Variants in HIVEP2 observed in about 807,000 individuals in gnomAD.
The protein encoded by HIVEP2 is transcription factor HIVEP2.
A neutral mutation model predicts 180.7 loss-of-function variants in HIVEP2; 14 were observed. The ratio of observed to expected loss-of-function variants is 0.08; its 90% CI spans 0.05 to 0.12. HIVEP2 has a LOEUF of 0.12. Among genes scored for constraint, HIVEP2 ranks in the 10% least tolerant of loss-of-function variants. HIVEP2 has a pLI of 1.00. For synonymous variants in HIVEP2, 1,184 were observed against 1,136.4 expected, an observed-to-expected ratio of 1.04 and a Z score of -0.84; for missense variants, 2,579 against 3,008.5, an observed-to-expected ratio of 0.86 and a Z score of 3.34.
Position 142,770,716 on chromosome 6 carries a change from G to A in HIVEP2, c.4023C>T (p.His1341=), listed in dbSNP as rs377147535. 1.1e-5 allele frequency: 17 copies of A among 1,614,034 alleles called. No homozygotes were observed. The highest frequency in any genetic ancestry group is 3.3e-5 in the South Asian group (3 of 91,088). The change falls in exon 5 of 10, where the codon CAC becomes CAT. Residue 1341 remains histidine, a synonymous_variant. Coordinates refer to ENST00000367603, the MANE Select transcript of HIVEP2 (RefSeq NM_006734.4). This position sits in a 1 kb window ranked among gnomAD's most constrained non-coding sequence, Gnocchi z 4.7. ...GTVVPVRIQT[H]VPSYGSVMYT... ...ACATGACACTTCCATAGGATGGTACGTGCGTCTGGATCCGAACAGGAACCA... is the reference window on the plus strand; with the variant it reads ...ACATGACACTTCCATAGGATGGTACATGCGTCTGGATCCGAACAGGAACCA...
chr6:142,935,070 G>T (rs986272511), intron 1 of HIVEP2, among the ~76,000 whole-genome samples: 1 of 152,198 alleles, frequency 6.6e-6, no homozygotes, highest in African/African-American at 2.4e-5. Flanking sequence ...CTATCCAACT[G>T]TAGGGAGAAA....
chr6:142,942,569 T>A (rs1249647666), intron 1 of HIVEP2, among the ~76,000 whole-genome samples: 1 of 152,218 alleles, frequency 6.6e-6, no homozygotes, highest in Non-Finnish European at 1.5e-5. Context: ...AGAGAATTAT[T>A]TTCCTATGTG....
intron 1 of HIVEP2, among the ~76,000 whole-genome samples, chr6:142,888,067 G>T (rs1177526889): frequency 6.6e-6 from 1 of 151,860 alleles, no homozygotes; most frequent in Non-Finnish European, 1.5e-5. Context: ...CATTTTACAT[G>T]TTTTAACTAT....
At chr6:142,863,031 T>C (rs142555263) in intron 1 of HIVEP2, among the ~76,000 whole-genome samples, 62 of 142,252 alleles carry the variant, frequency 4.4e-4, no homozygotes, top group African/African-American at 1.5e-3. Context: ...CAATATGTAA[T>C]ATATATTACA....
intron 2 of HIVEP2, among the ~76,000 whole-genome samples, chr6:142,811,681 AAC>A (rs1218601019): frequency 6.6e-6 from 1 of 152,200 alleles, no homozygotes; most frequent in Non-Finnish European, 1.5e-5. Context: ...AATACTTCCT[AAC>A]ACATTCTCTC....
At chr6:142,911,139 T>TAAAAAA (rs5880554) in intron 1 of HIVEP2, among the ~76,000 whole-genome samples, 2 of 106,228 alleles carry the variant, frequency 1.9e-5, no homozygotes, top group Non-Finnish European at 3.7e-5. Flanking sequence ...ACAAACACAT[T>TAAAAAA]AAAAAAAAAA....
chr6:142,872,313 G>T (rs1776309068), intron 1 of HIVEP2, among the ~76,000 whole-genome samples: 1 of 152,192 alleles, frequency 6.6e-6, no homozygotes, highest in Non-Finnish European at 1.5e-5. Context: ...GATGTCCGAT[G>T]TCTGGAACAA....
chr6:142,770,085 G>T lies in HIVEP2; in HGVS notation c.4654C>A (p.Pro1552Thr). 1 of 1,614,226 alleles carries T rather than the reference G, an allele frequency of 6.2e-7. No homozygotes were observed. Among genetic ancestry groups the T allele is most frequent in the Non-Finnish European group, 8.5e-7 (1 of 1,180,040 alleles). Residue 1552 changes from proline to threonine, a missense_variant, in exon 5 of 10, where the codon CCG becomes ACG. Physicochemically the swap from Pro to Thr is conservative, Grantham distance 38. Around this residue, in one of 11 missense-constraint regions of HIVEP2, gnomAD observed 349 missense variants for 367.2 expected, o/e 0.95. Coordinates refer to ENST00000367603, the MANE Select transcript of HIVEP2 (RefSeq NM_006734.4). The surrounding 1 kb of genome is among the most constrained non-coding windows in gnomAD (Gnocchi z 4.7). ...EMLSGSRAPLPGQKSSGPSES... is the reference protein window; with the variant it reads ...EMLSGSRAPLTGQKSSGPSES... ...GAAGGCCCACTGGACTTCTGCCCCGGAAGTGGTGCCCGGGAACCGGAAAGC... is the reference window on the plus strand; with the variant it reads ...GAAGGCCCACTGGACTTCTGCCCCGTAAGTGGTGCCCGGGAACCGGAAAGC...
intron 5 of HIVEP2, 94 bp downstream of exon 5, chr6:142,769,458 G>A (rs752345617): frequency 3.5e-5 from 40 of 1,137,612 alleles, no homozygotes; most frequent in Non-Finnish European, 4.9e-5. Flanking sequence ...CATTTTACTT[G>A]TATTTTTTTT....
At chr6:142,927,573 C>T (rs972891134) in intron 1 of HIVEP2, among the ~76,000 whole-genome samples, 4 of 152,182 alleles carry the variant, frequency 2.6e-5, no homozygotes, top group Non-Finnish European at 5.9e-5. Flanking sequence ...ACCCACTGCA[C>T]TCCTTTTATT....
intron 1 of HIVEP2, among the ~76,000 whole-genome samples, chr6:142,879,671 G>C (rs1056544873): frequency 6.6e-6 from 1 of 151,902 alleles, no homozygotes; most frequent in African/African-American, 2.4e-5. Context: ...AACCATCCCA[G>C]GCCATCTGAC....
chr6:142,834,950 T>C (rs892792970), intron 2 of HIVEP2, among the ~76,000 whole-genome samples: 4 of 141,834 alleles, frequency 2.8e-5, no homozygotes, highest in South Asian at 2.4e-4. Flanking sequence ...ACCGATTCCA[T>C]ATGAAGTCCT....
intron 1 of HIVEP2, among the ~76,000 whole-genome samples, chr6:142,876,193 G>A (rs547907628): frequency 6.6e-6 from 1 of 152,156 alleles, no homozygotes; most frequent in African/African-American, 2.4e-5. Flanking sequence ...ACTGGCTTTG[G>A]TAAGATATAT....
In HIVEP2 at chr6:142,760,063, A is replaced by C. The variant is rs780650154; in HGVS notation, c.6225T>G (p.His2075Gln). The change falls in exon 9 of 10, where the codon CAT becomes CAG. Residue 2075 changes from histidine to glutamine, a missense_variant. Physicochemically the swap from His to Gln is conservative, Grantham distance 24. Transcript: ENST00000367603. ...GTGACAGATCTCTCCTAGGTGATAA[A>C]TGTCTCCTGGGAGATAAATCTCCTT... is the stretch of plus-strand genomic sequence containing the variant. ...IPKGDLSPRR[H>Q]LSPRRDLSPM... The C allele has an allele frequency of 6.2e-7, 1 of 1,613,960 alleles. No individual in the cohort carries two copies. The highest frequency in any genetic ancestry group is 1.7e-5 in the Admixed American group (1 of 60,018).
At position 142,799,362 on chromosome 6, in the gene HIVEP2, A is replaced by T. The variant is rs1582870440; in HGVS notation, c.-527-15747T>A. On this transcript the variant is annotated intron_variant, in intron 2 of 9. Transcript: ENST00000367603. ...TCCTAAGTGCAGCCCGGGAGGAGAC[A>T]GCGCTATCTATGGTAACACCTAGGC... 2.6e-5 allele frequency among the ~76,000 whole-genome samples: 4 copies of T among 152,268 alleles called. No homozygotes were observed. In the South Asian group the frequency reaches 6.2e-4, roughly 24 times the overall value.
intron 2 of HIVEP2, among the ~76,000 whole-genome samples, chr6:142,790,302 T>G (rs145325422): frequency 3.0e-4 from 46 of 152,330 alleles, no homozygotes; most frequent in African/African-American, 1.1e-3. Context: ...TTTGTATAAT[T>G]AAAAATCTTT....
At chr6:142,856,168 G>GC (rs1424463771) in intron 1 of HIVEP2, among the ~76,000 whole-genome samples, 1 of 151,696 alleles carries the variant, frequency 6.6e-6, no homozygotes, top group East Asian at 1.9e-4. Context: ...GCAGGTAACT[G>GC]CATCGCTTTT....
intron 1 of HIVEP2, among the ~76,000 whole-genome samples, chr6:142,882,960 C>A (rs1776609197): frequency 6.6e-6 from 1 of 152,070 alleles, no homozygotes; most frequent in Admixed American, 6.5e-5. Context: ...ACTAACCACC[C>A]ATACTACATT....
chr6:142,878,942 G>T (rs558988361), intron 1 of HIVEP2, among the ~76,000 whole-genome samples: 13 of 152,116 alleles, frequency 8.5e-5, no homozygotes, highest in Non-Finnish European at 1.9e-4. Flanking sequence ...CTCTGGCTCT[G>T]CCACTCATGA....
Sources: gnomAD v4.1 joint callset for allele counts (sites outside exome capture counted in the v4.1 genomes callset) on GRCh38, gnomAD v4.1.1 for gene constraint, gnomAD v4.1.1 regional missense constraint, Gnocchi (gnomAD v3.1) non-coding constraint, MANE v1.5 for transcripts, NCBI Gene and HGNC (gene_info 2026-07-23, HGNC 2026-07-21) for gene names.